Variants in IGSF21 observed in about 807,000 individuals in gnomAD.
IGSF21 encodes the protein immunoglobin superfamily member 21, also known as immunoglobulin superfamily member 21.
IGSF21 carries 28 observed loss-of-function variants against 46.8 expected under a neutral mutation model. The ratio of observed to expected loss-of-function variants is 0.60; its 90% confidence interval spans 0.44 to 0.82. The LOEUF is 0.82. Ranked by LOEUF, IGSF21 falls within the 40% of genes least tolerant of loss-of-function variation. IGSF21 has a pLI of 0.00. For synonymous variants in IGSF21, 284 were observed against 273.6 expected, an observed-to-expected ratio of 1.04 and a Z score of -0.38; for missense variants, 624 against 665.5, an observed-to-expected ratio of 0.94 and a Z score of 0.69.
chr1:18,248,549 T>C (rs1267650752), intron 2 of IGSF21, among the ~76,000 whole-genome samples: 1 of 151,840 alleles, frequency 6.6e-6, no homozygotes, highest in Non-Finnish European at 1.5e-5. Flanking sequence ...AGTCTCCTTC[T>C]TGGGGCCTTG....
At chr1:18,359,383 A>AATGG (rs2086064838) in intron 4 of IGSF21, among the ~76,000 whole-genome samples, 57 of 61,104 alleles carry the variant, frequency 9.3e-4, no homozygotes, top group African/African-American at 3.8e-3. Flanking sequence ...AGAAAGAAAG[A>AATGG]AAGGAAGGAA....
intron 3 of IGSF21, among the ~76,000 whole-genome samples, chr1:18,324,025 G>T (rs1246808471): frequency 6.6e-6 from 1 of 151,926 alleles, no homozygotes; most frequent in East Asian, 1.9e-4. Context: ...TCTCTCCCCG[G>T]TCCCACTCCC....
chr1:18,122,203 T>C (rs1430478103), intron 1 of IGSF21, among the ~76,000 whole-genome samples: 1 of 143,916 alleles, frequency 6.9e-6, no homozygotes, highest in Non-Finnish European at 1.5e-5. Context: ...CTTTTTTTTT[T>C]TTTTTTTTTT....
intron 2 of IGSF21, among the ~76,000 whole-genome samples, chr1:18,244,745 T>G (rs192543891): frequency 3.9e-5 from 6 of 152,196 alleles, no homozygotes; most frequent in Non-Finnish European, 8.8e-5. Flanking sequence ...CTGACACTTA[T>G]CAGTGCTAAT....
At chr1:18,139,023 A>G (rs1037859817) in intron 1 of IGSF21, among the ~76,000 whole-genome samples, 6 of 152,018 alleles carry the variant, frequency 3.9e-5, no homozygotes, top group Non-Finnish European at 7.4e-5. Flanking sequence ...GTTAAAACCC[A>G]CATCCTTACC....
At chr1:18,240,863 T>C (rs1416991266) in intron 2 of IGSF21, among the ~76,000 whole-genome samples, 1 of 152,232 alleles carries the variant, frequency 6.6e-6, no homozygotes, top group East Asian at 1.9e-4. Context: ...GTTTCAGCTC[T>C]GGAATTCTGT....
intron 2 of IGSF21, among the ~76,000 whole-genome samples, chr1:18,273,039 C>CTTTTTTTTTTTTTTTTTTT (rs760448516): frequency 2.5e-5 from 2 of 80,722 alleles, no homozygotes; most frequent in Non-Finnish European, 4.8e-5. Context: ...CCAGACGGAT[C>CTTTTTTTTTTTTTTTTTTT]TTTTTTTTTT....
At position 18,275,864 on chromosome 1, in the gene IGSF21, C is replaced by T. The variant is rs142173686; in HGVS notation, c.184-16002C>T. Among the ~76,000 whole-genome samples the T allele has an allele frequency of 6.0e-3, 913 of 152,270 alleles. 6 individuals carry two copies. Among genetic ancestry groups the T allele is most frequent in the African/African-American group, 0.021 (866 of 41,568 alleles). ...GGAATTCTTCTTCAGCTGCTGCTCT[C>T]TTGGATTCAGGGAGACCTCCCACTC... On this transcript the variant is annotated intron_variant, in intron 2 of 9. Transcript: ENST00000251296.
At chr1:18,185,333 T>C (rs1461345121) in intron 1 of IGSF21, among the ~76,000 whole-genome samples, 1 of 152,198 alleles carries the variant, frequency 6.6e-6, no homozygotes, top group Non-Finnish European at 1.5e-5. Context: ...GGCTGCTTGT[T>C]TCTATTACCT....
rs150125576 is a variant in IGSF21 at position 18,214,396 on chromosome 1, C to T, written c.71-13502C>T. 7.0e-3 allele frequency among the ~76,000 whole-genome samples: 1,064 copies of T among 152,208 alleles called. 12 individuals carry two copies. The highest frequency in any genetic ancestry group is 0.024 in the African/African-American group (1,014 of 41,526). On this transcript the variant is annotated intron_variant, in intron 1 of 9. Transcript: ENST00000251296. ...CCAGGAATCTTGAGTGAGATGCTCC[C>T]CCTCTGATGTTCTTTCATGGCCCAA... is the stretch of plus-strand genomic sequence containing the variant.
chr1:18,260,398 A>G (rs1321998572), intron 2 of IGSF21, among the ~76,000 whole-genome samples: 2 of 152,258 alleles, frequency 1.3e-5, no homozygotes, highest in Admixed American at 6.5e-5. Flanking sequence ...TCACCAGGAA[A>G]TAATTCAGAG....
chr1:18,228,831 T>A (rs2084595564), intron 2 of IGSF21, among the ~76,000 whole-genome samples: 1 of 152,220 alleles, frequency 6.6e-6, no homozygotes, highest in African/African-American at 2.4e-5. Context: ...AATATTCTCC[T>A]GTCTGCCAAA....
At chr1:18,329,690 C>T (rs2085693294) in intron 3 of IGSF21, among the ~76,000 whole-genome samples, 1 of 152,104 alleles carries the variant, frequency 6.6e-6, no homozygotes, top group African/African-American at 2.4e-5. Context: ...AATGTAGAGC[C>T]TATAGAGCTT....
chr1:18,108,877 C>T (rs1210822673), intron 1 of IGSF21, among the ~76,000 whole-genome samples: 1 of 150,848 alleles, frequency 6.6e-6, no homozygotes, highest in Admixed American at 6.6e-5. Flanking sequence ...GCCTGGGAGT[C>T]GTGGGCTTCA....
At chr1:18,228,082 A>G in intron 2 of IGSF21, 72 bp downstream of exon 2, 1 of 1,185,432 alleles carries the variant, frequency 8.4e-7, no homozygotes, top group East Asian at 2.4e-5. Context: ...CCCTCTGGAC[A>G]CCCTCACTGG....
intron 2 of IGSF21, among the ~76,000 whole-genome samples, chr1:18,275,590 G>A (rs1323048562): frequency 1.3e-5 from 2 of 152,124 alleles, no homozygotes; most frequent in Non-Finnish European, 2.9e-5. Context: ...GGGAGCAGTG[G>A]GGAAAGGAAC....
intron 2 of IGSF21, among the ~76,000 whole-genome samples, chr1:18,267,634 T>G (rs1345146440): frequency 6.6e-6 from 1 of 152,222 alleles, no homozygotes; most frequent in Non-Finnish European, 1.5e-5. Context: ...AGAGGGTAGC[T>G]CTGCGGCTGG....
chr1:18,312,760 G>T (rs34339029), intron 3 of IGSF21, among the ~76,000 whole-genome samples: 30,144 of 152,132 alleles, frequency 0.2, 3,161 homozygotes, highest in Non-Finnish European at 0.22. Flanking sequence ...AATCACACCT[G>T]CAAAGCCCCT....
chr1:18,178,563 C>T (rs1216594493), intron 1 of IGSF21, among the ~76,000 whole-genome samples: 1 of 152,180 alleles, frequency 6.6e-6, no homozygotes, highest in Non-Finnish European at 1.5e-5. Flanking sequence ...GTGCCAGGTG[C>T]ATATTAAATC....
Sources: gnomAD v4.1 joint callset for allele counts (sites outside exome capture counted in the v4.1 genomes callset) on GRCh38, gnomAD v4.1.1 for gene constraint, MANE v1.5 for transcripts, NCBI Gene and HGNC (gene_info 2026-07-23, HGNC 2026-07-21) for gene names.